Variants in PHF14 observed in about 807,000 individuals in gnomAD.
PHF14 encodes PHD finger protein 14.
In PHF14, 55 loss-of-function variants were observed where a neutral mutation model predicts 117.9. The observed-to-expected ratio is 0.47, with a 90% CI of 0.38 to 0.58. The LOEUF (loss-of-function observed/expected upper bound fraction) is 0.58. Ranked by LOEUF, PHF14 falls within the 20% of genes least tolerant of loss-of-function variation. The pLI, the probability that PHF14 is intolerant of heterozygous loss-of-function variation, is 0.00. For synonymous variants in PHF14, 409 were observed against 368.6 expected (o/e 1.11, Z -1.26); for missense variants, 978 against 1,122.2 (o/e 0.87, Z 1.84).
At chr7:11,099,624 T>C (rs911393719) in intron 16 of PHF14, among the ~76,000 whole-genome samples, 38 of 152,134 alleles carry the variant, frequency 2.5e-4, no homozygotes, top group African/African-American at 8.4e-4. Flanking sequence ...AAGGATTATA[T>C]GTTATATACT....
chr7:11,081,063 ATG>A (rs955753853), intron 16 of PHF14, among the ~76,000 whole-genome samples: 2 of 152,048 alleles, frequency 1.3e-5, no homozygotes, highest in South Asian at 4.1e-4. Flanking sequence ...ATATGTATAT[ATG>A]TGTGTGTGTA....
chr7:11,057,700 C>A (rs1785065352), intron 14 of PHF14, among the ~76,000 whole-genome samples: 1 of 152,070 alleles, frequency 6.6e-6, no homozygotes, highest in East Asian at 1.9e-4. Flanking sequence ...AAGTTGCCTG[C>A]TAGATAAGAT....
At chr7:11,006,674 G>A (rs926256437) in intron 4 of PHF14, 1 of 624,430 alleles carries the variant, frequency 1.6e-6, no homozygotes, top group Non-Finnish European at 3.0e-6. Context: ...TGTTTCTCCT[G>A]GGGGAGCTCT....
rs949194129 is a variant in PHF14, at chr7:11,130,956, A to G, written c.2772+19489A>G. ...TGGCTTCTTTCCGTAAGCAATACGCATTTAGGGGTTTGTCATGTCTTTTCA... is the reference window on the plus strand; with the variant it reads ...TGGCTTCTTTCCGTAAGCAATACGCGTTTAGGGGTTTGTCATGTCTTTTCA... On this transcript the variant is annotated intron_variant, in intron 17 of 17. Transcript: ENST00000634607. The surrounding 1 kb of genome is among the most constrained non-coding windows in gnomAD (Gnocchi z 4.2). 6.6e-6 allele frequency among the ~76,000 whole-genome samples: 1 copy of G among 150,690 alleles called. No homozygotes were observed. Among genetic ancestry groups the G allele is most frequent in the African/African-American group, 2.4e-5 (1 of 41,040 alleles).
In PHF14 at chr7:11,028,834, C is replaced by T. The variant is rs1377781311; in HGVS notation, c.1455+16C>T. On this transcript the variant is annotated intron_variant, in intron 7 of 17. Coordinates refer to ENST00000634607, the MANE Select transcript of PHF14 (RefSeq NM_001007157.2). ...GGCGGAAGAGGTAGGTTTATTTAAA[C>T]CCATAGTTGGTGAACATGTTCACAA... 2 of 1,609,850 alleles carry T rather than the reference C, an allele frequency of 1.2e-6. No individual in the cohort carries two copies. The highest frequency in any genetic ancestry group is 1.7e-5 in the Admixed American group (1 of 59,794).
rs151014570 is a variant in PHF14 at position 11,035,384 on chromosome 7, A to G, written c.1456-256A>G. Among the ~76,000 whole-genome samples the G allele has an allele frequency of 2.0e-3, 300 of 152,278 alleles. 1 individual carries two copies. The highest frequency in any genetic ancestry group is 7.1e-3 in the African/African-American group (294 of 41,554). ...TACAAGTACACCCAAATAATACATTATATTTGATTTCAATATCTTTAAACC... is the reference window on the plus strand; with the variant it reads ...TACAAGTACACCCAAATAATACATTGTATTTGATTTCAATATCTTTAAACC... On this transcript the variant is annotated intron_variant, in intron 7 of 17. Transcript: ENST00000634607.
intron 5 of PHF14, among the ~76,000 whole-genome samples, chr7:11,020,255 A>G (rs1043955362): frequency 6.6e-6 from 1 of 151,846 alleles, no homozygotes; most frequent in African/African-American, 2.4e-5. Context: ...CACCAGGCTA[A>G]TGTTTGTATT....
intron 13 of PHF14, among the ~76,000 whole-genome samples, chr7:11,044,393 C>A (rs893852623): frequency 6.6e-6 from 1 of 151,932 alleles, no homozygotes; most frequent in Admixed American, 6.6e-5. Flanking sequence ...TCTAAAAGGG[C>A]GTAAACAACT....
At chr7:11,007,048 G>T (rs966144960) in intron 4 of PHF14, among the ~76,000 whole-genome samples, 5 of 151,860 alleles carry the variant, frequency 3.3e-5, no homozygotes, top group African/African-American at 9.7e-5. Context: ...GTGGTAGTGG[G>T]CACCTGTAAT....
At chr7:11,137,656 C>T (rs371712934) in intron 17 of PHF14, among the ~76,000 whole-genome samples, 1 of 139,932 alleles carries the variant, frequency 7.1e-6, no homozygotes, top group South Asian at 2.2e-4. Context: ...AGTGCAATGG[C>T]ACAATCTCGG....
At chr7:11,023,608 C>T (rs1258990639) in intron 6 of PHF14, among the ~76,000 whole-genome samples, 1 of 152,172 alleles carries the variant, frequency 6.6e-6, no homozygotes, top group Admixed American at 6.5e-5. Flanking sequence ...GGGCAGATCA[C>T]CTGAGATTAG....
chr7:11,019,660 A>G (rs1562423202), intron 5 of PHF14, among the ~76,000 whole-genome samples: 1 of 151,912 alleles, frequency 6.6e-6, no homozygotes, highest in Non-Finnish European at 1.5e-5. Flanking sequence ...AAGGTTTGTC[A>G]GTGTTGTTTA....
intron 17 of PHF14, among the ~76,000 whole-genome samples, chr7:11,140,583 A>G (rs1412835000): frequency 1.3e-5 from 2 of 152,174 alleles, no homozygotes; most frequent in Non-Finnish European, 2.9e-5. Flanking sequence ...ATAATGAGCT[A>G]TGGATTTATA....
intron 2 of PHF14, among the ~76,000 whole-genome samples, chr7:10,977,308 T>C (rs1781901141): frequency 6.6e-6 from 1 of 152,154 alleles, no homozygotes; most frequent in East Asian, 1.9e-4. Context: ...ACTCATTGAA[T>C]GAACTACGGA....
intron 17 of PHF14, among the ~76,000 whole-genome samples, chr7:11,124,915 T>G (rs1787875315): frequency 6.6e-6 from 1 of 152,154 alleles, no homozygotes; most frequent in South Asian, 2.1e-4. Context: ...CTTTTGTCTT[T>G]CTAATGGATA....
In PHF14 at chr7:11,063,698, G is replaced by A. The variant is rs77205870; in HGVS notation, c.2654+1613G>A. 3.4e-3 allele frequency: 3,004 copies of A among 889,720 alleles called. 78 individuals carry two copies. The East Asian group carries it at 0.1, about 30-fold the overall frequency. 55.1% of individuals were successfully genotyped at this position (889,720 alleles called of 1,614,324 possible). ...GCTTTTGTCATATATTGGAAATTAG[G>A]AACCTGAGAAATACAATTTTTATTT... On this transcript the variant is annotated intron_variant, in intron 16 of 17. Coordinates refer to ENST00000634607, the MANE Select transcript of PHF14 (RefSeq NM_001007157.2).
intron 2 of PHF14, among the ~76,000 whole-genome samples, chr7:10,978,499 TG>T (rs764921582): frequency 2.6e-5 from 4 of 152,146 alleles, no homozygotes; most frequent in Admixed American, 6.5e-5. Flanking sequence ...GACTTGGAAT[TG>T]TTTTTTTATA....
intron 16 of PHF14, among the ~76,000 whole-genome samples, chr7:11,094,375 A>G (rs1007369921): frequency 6.6e-5 from 10 of 152,158 alleles, no homozygotes; most frequent in Middle Eastern, 3.2e-3. Flanking sequence ...TTCTAGCACT[A>G]GAGTTGTTCT....
intron 16 of PHF14, chr7:11,106,314 C>A (rs774451399): frequency 1.0e-6 from 1 of 976,930 alleles, no homozygotes; most frequent in African/African-American, 1.8e-5. Flanking sequence ...CCCATTCATT[C>A]ATTATTGGCT....
Sources: allele counts gnomAD v4.1 joint callset (sites outside exome capture counted in the v4.1 genomes callset), GRCh38; gene constraint gnomAD v4.1.1; non-coding constraint Gnocchi (gnomAD v3.1); transcripts MANE v1.5; gene names NCBI Gene and HGNC (gene_info 2026-07-23, HGNC 2026-07-21).